GEN1: variants seen among roughly 807,000 people sequenced by gnomAD.
The protein encoded by GEN1 is flap endonuclease GEN homolog 1.
Under a neutral mutation model 67.6 loss-of-function variants are expected in GEN1, and 64 were observed. The observed-to-expected ratio is 0.95, with a 90% CI of 0.77 to 1.17. GEN1 has a LOEUF of 1.17. GEN1 is among the 50% of genes most tolerant of loss of function. GEN1 has a pLI of 0.00. For synonymous variants in GEN1, 371 were observed against 359.4 expected (o/e 1.03, Z -0.37); for missense variants, 1,058 against 1,048.3 (o/e 1.01, Z -0.13).
At chr2:17,758,981 A>G (rs907356639) in intron 1 of GEN1, among the ~76,000 whole-genome samples, 2 of 152,254 alleles carry the variant, frequency 1.3e-5, no homozygotes, top group Non-Finnish European at 2.9e-5. Context: ...ACCCATGGGC[A>G]ATTTGAGAAA....
At position 17,788,084 on chromosome 2, in the gene GEN1, G is replaced by C. The variant is rs1572435714; in HGVS notation, c.*6145G>C. 6.6e-6 allele frequency: 1 copy of C among 152,146 alleles called. No homozygotes were observed. Among genetic ancestry groups the C allele is most frequent in the Non-Finnish European group, 1.5e-5 (1 of 68,046 alleles). The allele number at this position is 152,146 out of a possible 1,614,324, so 9.4% of individuals were successfully genotyped here. A position where few individuals can be genotyped will look rare whatever the true frequency, so the allele number is the denominator to read the frequency against. Reference sequence around the variant, plus strand: ...GCCTTTAGCCACTTCAAGACGCCCTGCCAAGATGCTTGCTTTCTGAAGGTG... The same window carrying C: ...GCCTTTAGCCACTTCAAGACGCCCTCCCAAGATGCTTGCTTTCTGAAGGTG... On this transcript the variant is annotated 3_prime_UTR_variant, in exon 14 of 14. Coordinates refer to ENST00000381254, the MANE Select transcript of GEN1 (RefSeq NM_001130009.3).
Position 17,765,001 on chromosome 2 carries a change from C to T in GEN1, c.453C>T (p.Cys151=). Residue 151 remains cysteine (C), a synonymous_variant, in exon 4 of 14, where the codon TGC becomes TGT. Coordinates refer to ENST00000381254, the MANE Select transcript of GEN1 (RefSeq NM_001130009.3). ...ATGCTGGTGGTCATGTCGATGGCTGCCTCACCAATGATGGAGATACTTTCC... is the reference window on the plus strand; with the variant it reads ...ATGCTGGTGGTCATGTCGATGGCTGTCTCACCAATGATGGAGATACTTTCC... ...YLNAGGHVDG[C]LTNDGDTFLY... is the part of the protein sequence containing the mutation. 1 of 1,614,128 alleles carries T rather than the reference C, an allele frequency of 6.2e-7. No homozygotes were observed. The highest frequency in any genetic ancestry group is 8.5e-7 in the Non-Finnish European group (1 of 1,180,004).
chr2:17,776,397 A>C (rs905869653), intron 11 of GEN1, among the ~76,000 whole-genome samples: 29 of 152,308 alleles, frequency 1.9e-4, no homozygotes, highest in African/African-American at 5.8e-4. Flanking sequence ...TTAAACTTCC[A>C]GAGTGTGAAA....
At chr2:17,753,744 G>A (rs1238994993), upstream of GEN1, 1 of 152,290 alleles carries the variant, frequency 6.6e-6, no homozygotes, top group Non-Finnish European at 1.5e-5. Context: ...GGCCCCCTGG[G>A]AACCGCGTGC....
chr2:17,764,830 G>A (rs765778160), intron 3 of GEN1, 67 bp from the exon 4 acceptor site: 11 of 1,403,620 alleles, frequency 7.8e-6, no homozygotes, highest in Non-Finnish European at 9.8e-6. Context: ...ACAGAAATAG[G>A]TTTAATAGTA....
chr2:17,761,829 A>G (rs1442608219), intron 3 of GEN1, among the ~76,000 whole-genome samples: 1 of 152,212 alleles, frequency 6.6e-6, no homozygotes, highest in Non-Finnish European at 1.5e-5. Flanking sequence ...TTGTGAAATG[A>G]CAACAGTAAT....
chr2:17,778,288 ACATGTGTGTG>A (rs1672594229), intron 12 of GEN1, among the ~76,000 whole-genome samples: 2 of 117,276 alleles, frequency 1.7e-5, no homozygotes, highest in Admixed American at 8.2e-5. Flanking sequence ...ATATACACAC[ACATGTGTGTG>A]TACATATATG....
chr2:17,760,436 C>G (rs1293263603), intron 2 of GEN1, among the ~76,000 whole-genome samples: 1 of 152,108 alleles, frequency 6.6e-6, no homozygotes, highest in Non-Finnish European at 1.5e-5. Context: ...CCAGTTCTAC[C>G]TCCAAAATAT....
Position 17,768,804 on chromosome 2 carries a change from C to T in GEN1, c.703C>T (p.Leu235Phe), listed in dbSNP as rs1487186998. 1 of 1,591,360 alleles carries T rather than the reference C, an allele frequency of 6.3e-7. No homozygotes were observed. The highest frequency in any genetic ancestry group is 1.7e-5 in the Admixed American group (1 of 59,700). ...ACAGATTTTGAAAGGGCAAAGTTTA[C>T]TTCAGAGGTAACTAATAATTACTTT... ...LIQILKGQSL[L>F]QRFNRWNETS... The change falls in exon 6 of 14, where the codon CTT (leucine) becomes TTT (phenylalanine). Residue 235 changes from leucine to phenylalanine, a missense_variant. Leu to Phe is a conservative substitution (Grantham distance 22). Coordinates refer to ENST00000381254, the MANE Select transcript of GEN1 (RefSeq NM_001130009.3).
chr2:17,776,380 A>G (rs1672434965), intron 11 of GEN1, among the ~76,000 whole-genome samples: 1 of 152,180 alleles, frequency 6.6e-6, no homozygotes, highest in African/African-American at 2.4e-5. Context: ...TCTATATTGT[A>G]TCATTGTTAA....
rs1254402382 is a variant in GEN1 at position 17,785,976 on chromosome 2, G to C, written c.*4037G>C. On this transcript the variant is annotated 3_prime_UTR_variant, in exon 14 of 14. Transcript: ENST00000381254. ...TGAGGACTCTACTTTTTCCTTTTGGGTAGCATGGCTTGAGCCATCTTGTCA... is the reference window on the plus strand; with the variant it reads ...TGAGGACTCTACTTTTTCCTTTTGGCTAGCATGGCTTGAGCCATCTTGTCA... 2 of 151,938 alleles carry C rather than the reference G, an allele frequency of 1.3e-5. No individual in the cohort carries two copies. Among genetic ancestry groups the C allele is most frequent in the African/African-American group, 4.8e-5 (2 of 41,372 alleles). The allele number at this position is 151,938 out of a possible 1,614,324, so 9.4% of individuals were successfully genotyped here.
rs544471832 is a variant in GEN1 at position 17,772,129 on chromosome 2, A to G, written c.803-505A>G. On this transcript the variant is annotated intron_variant, in intron 7 of 13. Transcript: ENST00000381254. The stretch of plus-strand genomic sequence containing the variant: ...AAATTTCCACACCCGTGCCACAGTC[A>G]TCATTTGTTCATGTTCCAAGGATAG... 3.1e-3 allele frequency among the ~76,000 whole-genome samples: 475 copies of G among 152,202 alleles called. 4 individuals carry two copies. The highest frequency in any genetic ancestry group is 0.011 in the African/African-American group (451 of 41,576).
Position 17,787,215 on chromosome 2 carries a change from G to A in GEN1, c.*5276G>A, listed in dbSNP as rs1229024945. The A allele has an allele frequency of 6.6e-6, 1 of 152,172 alleles. No individual in the cohort carries two copies. The highest frequency in any genetic ancestry group is 1.5e-5 in the Non-Finnish European group (1 of 68,032). The allele number at this position is 152,172 out of a possible 1,614,324, so 9.4% of individuals were successfully genotyped here. A position where few individuals can be genotyped will look rare whatever the true frequency, so the allele number is the denominator to read the frequency against. ...AGAAATTACCCATACATTCATCAGA[G>A]TATTTATCACATTCATTCATTCGTT... On this transcript the variant is annotated 3_prime_UTR_variant, in exon 14 of 14. Coordinates refer to ENST00000381254, the MANE Select transcript of GEN1 (RefSeq NM_001130009.3).
At chr2:17,769,706 GA>G (rs1190279054) in intron 6 of GEN1, among the ~76,000 whole-genome samples, 1 of 152,058 alleles carries the variant, frequency 6.6e-6, no homozygotes, top group African/African-American at 2.4e-5. Context: ...GGAGGATTCA[GA>G]ACAAGATGCA....
Position 17,781,220 on chromosome 2 carries a change from C to A in GEN1, c.2008C>A (p.Gln670Lys). The change falls in exon 14 of 14, where the codon CAG becomes AAG. Residue 670 changes from glutamine to lysine, a missense_variant. Gln to Lys is a moderately conservative substitution (Grantham distance 53). Coordinates refer to ENST00000381254, the MANE Select transcript of GEN1 (RefSeq NM_001130009.3). Reference sequence around the variant, plus strand: ...TTCTGGCATTACTGATTTATGTCTTCAGGATTTGCCTTTAAAGGAACGAAT... The same window carrying A: ...TTCTGGCATTACTGATTTATGTCTTAAGGATTTGCCTTTAAAGGAACGAAT... ...LLSGITDLCL[Q>K]DLPLKERIFT... 3 of 1,613,480 alleles carry A rather than the reference C, an allele frequency of 1.9e-6. No individual in the cohort carries two copies. Among genetic ancestry groups the A allele is most frequent in the Non-Finnish European group, 2.5e-6 (3 of 1,179,478 alleles).
chr2:17,775,063 T>A (rs142443503), intron 11 of GEN1, among the ~76,000 whole-genome samples: 280 of 152,276 alleles, frequency 1.8e-3, no homozygotes, highest in African/African-American at 6.3e-3. Flanking sequence ...AACAATTGCG[T>A]CATGAATTCA....
intron 3 of GEN1, 121 bp downstream of exon 3, chr2:17,761,703 G>A (rs567902204): frequency 3.0e-6 from 2 of 664,314 alleles, no homozygotes; most frequent in African/African-American, 3.8e-5. Context: ...TGTGCCTAGA[G>A]AAAAGAGTTT....
rs35008551 is a variant in GEN1 at position 17,778,258 on chromosome 2, A to ACG, written c.1264+195_1264+196insCG. ...TGTGTGTACATATATGTATACACAC[A>ACG]TATGTGTGTACATATATGTATATAC... On this transcript the variant is annotated intron_variant, in intron 12 of 13. Transcript: ENST00000381254. Among the ~76,000 whole-genome samples, 108 of 24,828 alleles carry ACG rather than the reference A, an allele frequency of 4.3e-3. 12 individuals carry two copies. The East Asian group carries it at 0.35, about 80-fold the overall frequency. The allele number at this position is 24,828 out of a possible 152,430, so 16.3% of individuals were successfully genotyped here.
chr2:17,773,192 A>T, intron 9 of GEN1, 27 bp from the exon 10 acceptor site: 1 of 1,559,664 alleles, frequency 6.4e-7, no homozygotes, highest in Non-Finnish European at 8.8e-7. Flanking sequence ...TTTAAATCTC[A>T]GTTTCTATTT....
Sources: gnomAD v4.1 joint callset for allele counts (sites outside exome capture counted in the v4.1 genomes callset) on GRCh38, gnomAD v4.1.1 for gene constraint, MANE v1.5 for transcripts, NCBI Gene and HGNC (gene_info 2026-07-23, HGNC 2026-07-21) for gene names.